The following CNTRL variants were observed in gnomAD, a reference collection of about 807,000 sequenced individuals.
CNTRL encodes centriolin, also known as 110 kDa centrosomal protein.
In CNTRL, 233 loss-of-function variants were observed where a neutral mutation model predicts 303.7. The ratio of observed to expected loss-of-function variants is 0.77; its 90% CI spans 0.69 to 0.86. The LOEUF is 0.86. Among genes scored for constraint, CNTRL ranks in the 40% least tolerant of loss-of-function variants. The probability of loss-of-function intolerance (pLI) is 0.00; values close to 1 mark genes in which losing one functional copy is unlikely to be tolerated. For synonymous variants in CNTRL, 900 were observed against 922.2 expected (o/e 0.98, Z 0.44); for missense variants, 2,524 against 2,650.6 (o/e 0.95, Z 1.05).
chr9:121,105,283 C>A (rs886410638), intron 7 of CNTRL, among the ~76,000 whole-genome samples: 1 of 152,144 alleles, frequency 6.6e-6, no homozygotes, highest in African/African-American at 2.4e-5. Context: ...ATAGATGGAT[C>A]AGTTTTGAAG....
chr9:121,160,281 C>A lies in CNTRL; in HGVS notation c.5068C>A (p.Gln1690Lys). The change falls in exon 32 of 44, where the codon CAG becomes AAG. Residue 1690 changes from glutamine (Q) to lysine (K), a missense_variant. By Grantham distance (53) the Gln-to-Lys change is moderately conservative. Coordinates refer to ENST00000373855, the MANE Select transcript of CNTRL (RefSeq NM_007018.6). Reference sequence around the variant, plus strand: ...AGAAAATCTTCAGGTTGTTTTAAGGCAGATGTCTAAACATAAAACCGGTAA... The same window carrying A: ...AGAAAATCTTCAGGTTGTTTTAAGGAAGATGTCTAAACATAAAACCGGTAA... ...EEENLQVVLRQMSKHKTELKN... is the reference protein window; with the variant it reads ...EEENLQVVLRKMSKHKTELKN... The A allele has an allele frequency of 6.5e-7, 1 of 1,533,554 alleles. No individual in the cohort carries two copies. The allele number at this position is 1,533,554 out of a possible 1,614,324, so 95.0% of individuals were successfully genotyped here.
Position 121,086,655 on chromosome 9 carries a change from T to C in CNTRL, c.-31-1641T>C, listed in dbSNP as rs1253143131. ...TTACTTTTTTTTTTTTTTTTTTTTT[T>C]CCTGAGATGGAGTCTCGCTCTGTTT... On this transcript the variant is annotated intron_variant, in intron 2 of 43. Coordinates refer to ENST00000373855, the MANE Select transcript of CNTRL (RefSeq NM_007018.6). Among the ~76,000 whole-genome samples, 11 of 149,478 alleles carry C rather than the reference T, an allele frequency of 7.4e-5. No individual in the cohort carries two copies. In the East Asian group the frequency reaches 9.8e-4, roughly 13 times the overall value.
chr9:121,102,635 A>G (rs1316722459), intron 7 of CNTRL, among the ~76,000 whole-genome samples: 6 of 152,226 alleles, frequency 3.9e-5, no homozygotes, highest in African/African-American at 1.4e-4. Flanking sequence ...ACGTGATTGT[A>G]TATTTAGAAA....
At chr9:121,076,757 A>C (rs533275242) in intron 1 of CNTRL, among the ~76,000 whole-genome samples, 1 of 152,250 alleles carries the variant, frequency 6.6e-6, no homozygotes, top group Admixed American at 6.5e-5. Context: ...TTTGGAAAGA[A>C]AAATGGCTGG....
In CNTRL at chr9:121,167,597, G is replaced by A; in HGVS notation, c.5764G>A (p.Glu1922Lys). ...TAGGTTTGAAGACTGTCAGAAAGAA[G>A]AGGAGACAAAACAACAACAACTTCA... The part of the protein sequence containing the change: ...ANRFEDCQKE[E>K]ETKQQQLQVL... Residue 1922 changes from glutamate (E) to lysine (K), a missense_variant, in exon 37 of 44, where the codon GAG becomes AAG. Transcript: ENST00000373855. 6.2e-7 allele frequency: 1 copy of A among 1,614,162 alleles called. No homozygotes were observed. The highest frequency in any genetic ancestry group is 8.5e-7 in the Non-Finnish European group (1 of 1,179,996).
intron 7 of CNTRL, among the ~76,000 whole-genome samples, chr9:121,099,563 G>A (rs553393413): frequency 2.0e-5 from 3 of 152,292 alleles, no homozygotes; most frequent in South Asian, 4.1e-4. Context: ...TGACTTTAAC[G>A]AGTTGAAAGA....
At chr9:121,153,740 G>C (rs189039927) in intron 26 of CNTRL, among the ~76,000 whole-genome samples, 16 of 152,358 alleles carry the variant, frequency 1.1e-4, no homozygotes, top group African/African-American at 3.4e-4. Context: ...CAGTTCCCCA[G>C]TTTTTGTCAT....
At chr9:121,150,054 C>A in intron 24 of CNTRL, 116 bp from the exon 25 acceptor site, 1 of 708,426 alleles carries the variant, frequency 1.4e-6, no homozygotes, top group Non-Finnish European at 2.2e-6. Context: ...TTTATTCTCA[C>A]ATCTGCAGTA....
At chr9:121,085,128 A>G (rs537718683) in intron 2 of CNTRL, among the ~76,000 whole-genome samples, 26 of 152,206 alleles carry the variant, frequency 1.7e-4, no homozygotes, top group Non-Finnish European at 3.4e-4. Context: ...GGATTTCAGA[A>G]ACGATATTTA....
Position 121,145,359 on chromosome 9 carries a change from A to G in CNTRL, c.3284A>G (p.Gln1095Arg), listed in dbSNP as rs753354165. The G allele has an allele frequency of 6.8e-6, 11 of 1,613,736 alleles. No homozygotes were observed. The South Asian group carries it at 1.2e-4, about 18-fold the overall frequency. The change falls in exon 22 of 44, where the codon CAG becomes CGG. Residue 1095 changes from glutamine (Q) to arginine (R), a missense_variant. By Grantham distance (43) the Gln-to-Arg change is conservative (BLOSUM62 1). Coordinates refer to ENST00000373855, the MANE Select transcript of CNTRL (RefSeq NM_007018.6). The part of the protein sequence containing the change: ...ERQRTEIARL[Q>R]NVLDLTGSDN... ...CAAAGGACAGAGATTGCAAGGCTGC[A>G]GAATGTACTAGACCTCACTGGAAGT...
At chr9:121,085,602 A>T (rs2048314451) in intron 2 of CNTRL, among the ~76,000 whole-genome samples, 1 of 152,226 alleles carries the variant, frequency 6.6e-6, no homozygotes, top group Admixed American at 6.5e-5. Context: ...CAAGCAAAAG[A>T]TATATAGTAG....
chr9:121,077,461 A>T (rs1278122430), intron 1 of CNTRL, among the ~76,000 whole-genome samples: 1 of 152,090 alleles, frequency 6.6e-6, no homozygotes, highest in Non-Finnish European at 1.5e-5. Flanking sequence ...CCCTAAGCCC[A>T]CTTCACTGAG....
At chr9:121,158,449 C>CT (rs536931033) in intron 30 of CNTRL, 2,317 of 220,064 alleles carry the variant, frequency 0.011, no homozygotes, top group Middle Eastern at 0.019. Context: ...GCATGGTCTT[C>CT]TTTTTTTTTT....
Position 121,124,070 on chromosome 9 carries a change from A to C in CNTRL, c.1790A>C (p.Glu597Ala). Residue 597 changes from glutamate (E) to alanine (A), a missense_variant, in exon 13 of 44, where the codon GAA becomes GCA. Glu to Ala is a moderately radical substitution (Grantham distance 107). Coordinates refer to ENST00000373855, the MANE Select transcript of CNTRL (RefSeq NM_007018.6). The stretch of plus-strand genomic sequence containing the variant: ...ACGGAAGAGATTAAGGACCTTGAAG[A>C]ACAGCTTACTGAAGGTAAGACTTTC... ...KETEEIKDLE[E>A]QLTEGQIAAN... 1 of 1,606,776 alleles carries C rather than the reference A, an allele frequency of 6.2e-7. No homozygotes were observed. Among genetic ancestry groups the C allele is most frequent in the South Asian group, 1.1e-5 (1 of 88,960 alleles).
At chr9:121,075,437 GAGAA>G (rs2047881358) in intron 1 of CNTRL, among the ~76,000 whole-genome samples, 2 of 152,228 alleles carry the variant, frequency 1.3e-5, no homozygotes. Flanking sequence ...GAGTGAGCGG[GAGAA>G]AGGACAGTTT....
intron 2 of CNTRL, among the ~76,000 whole-genome samples, chr9:121,081,817 C>T (rs1019183833): frequency 2.6e-5 from 4 of 152,182 alleles, no homozygotes; most frequent in African/African-American, 7.2e-5. Flanking sequence ...CTTATGTAGG[C>T]GTGATTGCTC....
At chr9:121,122,925 A>T (rs1233007326) in intron 12 of CNTRL, among the ~76,000 whole-genome samples, 1 of 151,830 alleles carries the variant, frequency 6.6e-6, no homozygotes, top group Non-Finnish European at 1.5e-5. Context: ...CCATTTTGAG[A>T]CTCACCGGGC....
chr9:121,104,781 A>G (rs1007264964), intron 7 of CNTRL, among the ~76,000 whole-genome samples: 1 of 143,888 alleles, frequency 6.9e-6, no homozygotes, highest in African/African-American at 2.6e-5. Context: ...AGCTCACTGC[A>G]ATCTCCGCCT....
At position 121,121,540 on chromosome 9, in the gene CNTRL, A is replaced by G. The variant is rs1018853205; in HGVS notation, c.1651-2391A>G. The stretch of plus-strand genomic sequence containing the variant: ...TTATAAAATTATTCATAGAAGCACA[A>G]ATTATCACCGGAGCAAACATAATGA... On this transcript the variant is annotated intron_variant, in intron 12 of 43. Transcript: ENST00000373855. Among the ~76,000 whole-genome samples the G allele has an allele frequency of 2.6e-5, 4 of 152,256 alleles. No individual in the cohort carries two copies. The South Asian group carries it at 8.3e-4, about 31-fold the overall frequency.
Sources: gnomAD v4.1 joint callset for allele counts (sites outside exome capture counted in the v4.1 genomes callset) on GRCh38, gnomAD v4.1.1 for gene constraint, MANE v1.5 for transcripts, NCBI Gene and HGNC (gene_info 2026-07-23, HGNC 2026-07-21) for gene names.